GRIK1: variants seen among roughly 807,000 people sequenced by gnomAD.
GRIK1 encodes glutamate receptor ionotropic, kainate 1.
GRIK1 carries 69 observed loss-of-function variants against 105.7 expected under a neutral mutation model. That is an observed-to-expected ratio of 0.65 (90% CI 0.54 to 0.80). The LOEUF (loss-of-function observed/expected upper bound fraction) is 0.80. Ranked by LOEUF, GRIK1 falls within the 30% of genes least tolerant of loss-of-function variation. The pLI, the probability that GRIK1 is intolerant of heterozygous loss-of-function variation, is 0.00. For synonymous variants in GRIK1, 438 were observed against 431.3 expected, an observed-to-expected ratio of 1.02 and a Z score of -0.19; for missense variants, 1,109 against 1,167.3, an observed-to-expected ratio of 0.95 and a Z score of 0.73.
chr21:29,777,127 C>A (rs774796344), intron 1 of GRIK1, among the ~76,000 whole-genome samples: 136 of 152,208 alleles, frequency 8.9e-4, no homozygotes, highest in Admixed American at 9.2e-4. Context: ...CCAAGTAACT[C>A]AAAATCTCTG....
chr21:29,839,788 C>T (rs1005643717), intron 1 of GRIK1, among the ~76,000 whole-genome samples: 4 of 152,024 alleles, frequency 2.6e-5, no homozygotes, highest in Non-Finnish European at 5.9e-5. Flanking sequence ...TAGAACTCAT[C>T]CTGATATCTT....
intron 1 of GRIK1, among the ~76,000 whole-genome samples, chr21:29,879,837 C>T (rs2069334578): frequency 6.8e-6 from 1 of 145,986 alleles, no homozygotes. Flanking sequence ...AACCTCTTCA[C>T]ACAGCCCCAG....
intron 2 of GRIK1, among the ~76,000 whole-genome samples, chr21:29,692,187 G>T (rs2063596671): frequency 6.6e-6 from 1 of 152,210 alleles, no homozygotes; most frequent in Non-Finnish European, 1.5e-5. Flanking sequence ...AGCTCTGGGG[G>T]TGTTTAACTG....
At chr21:29,585,671 C>T (rs749578247) in intron 12 of GRIK1, among the ~76,000 whole-genome samples, 2 of 152,144 alleles carry the variant, frequency 1.3e-5, no homozygotes, top group Non-Finnish European at 2.9e-5. Flanking sequence ...TGTGGGCCTC[C>T]GGGCAGAGGT....
intron 14 of GRIK1, among the ~76,000 whole-genome samples, chr21:29,571,621 A>G (rs2090752911): frequency 6.6e-6 from 1 of 152,180 alleles, no homozygotes; most frequent in Admixed American, 6.5e-5. Flanking sequence ...TTCACTAAGC[A>G]CATCCCTTGC....
At chr21:29,939,324 C>A (rs1387676014) in intron 1 of GRIK1, 59 bp downstream of exon 1, 3 of 1,033,468 alleles carry the variant, frequency 2.9e-6, no homozygotes, top group African/African-American at 3.2e-5. Flanking sequence ...ACCCGCTACA[C>A]CCGCGTTGGT....
chr21:29,563,320 A>G (rs113129901), intron 14 of GRIK1, among the ~76,000 whole-genome samples: 4,379 of 152,276 alleles, frequency 0.029, 87 homozygotes, highest in African/African-American at 0.037. Context: ...GACCTGGGTT[A>G]ATACTGTAGG....
intron 16 of GRIK1, among the ~76,000 whole-genome samples, chr21:29,542,032 A>AGTGTGT (rs66476053): frequency 6.9e-4 from 104 of 150,588 alleles, no homozygotes; most frequent in African/African-American, 2.4e-3. Context: ...AATAATGTAG[A>AGTGTGT]GTGTGTGTGT....
At chr21:29,615,011 G>A (rs114756231) in intron 7 of GRIK1, among the ~76,000 whole-genome samples, 1,527 of 151,572 alleles carry the variant, frequency 0.01, 83 homozygotes, top group African/African-American at 0.035. Flanking sequence ...AGGACGGTTC[G>A]CAGAACTAGT....
rs188290422 is a variant in GRIK1 at position 29,710,426 on chromosome 21, G to A, written c.119-16363C>T. ...GTTTTCTATCCTGTCCTGGAAAAGT[G>A]TAGAAATTCCATTCAGCTTAAAAAA... is the stretch of plus-strand genomic sequence containing the variant. On this transcript the variant is annotated intron_variant, in intron 1 of 17. Transcript: ENST00000327783. Among the ~76,000 whole-genome samples the A allele has an allele frequency of 7.2e-3, 1,102 of 152,156 alleles. 16 individuals carry two copies. The highest frequency in any genetic ancestry group is 0.025 in the African/African-American group (1,057 of 41,544).
chr21:29,892,560 T>C (rs1601960095), intron 1 of GRIK1, among the ~76,000 whole-genome samples: 1 of 152,332 alleles, frequency 6.6e-6, no homozygotes, highest in East Asian at 1.9e-4. Flanking sequence ...CCAGGGCAGC[T>C]GGCTGCCTGG....
chr21:29,751,685 C>T (rs2065205990), intron 1 of GRIK1, among the ~76,000 whole-genome samples: 1 of 152,174 alleles, frequency 6.6e-6, no homozygotes, highest in Non-Finnish European at 1.5e-5. Context: ...CCCAGTCAAT[C>T]TGTTACACTC....
chr21:29,673,882 G>A (rs1469860133), intron 3 of GRIK1, among the ~76,000 whole-genome samples: 1 of 152,164 alleles, frequency 6.6e-6, no homozygotes, highest in African/African-American at 2.4e-5. Flanking sequence ...GATGGAGAAT[G>A]TTTGATTTAC....
At chr21:29,847,920 C>T (rs1426968705) in intron 1 of GRIK1, among the ~76,000 whole-genome samples, 1 of 152,022 alleles carries the variant, frequency 6.6e-6, no homozygotes. Flanking sequence ...CTCTCCCTCT[C>T]TCTCTCTCTC....
intron 1 of GRIK1, among the ~76,000 whole-genome samples, chr21:29,838,923 C>A (rs75477664): frequency 6.6e-6 from 1 of 152,020 alleles, no homozygotes; most frequent in African/African-American, 2.4e-5. Flanking sequence ...ATCTGACATA[C>A]CTTTTCACTA....
chr21:29,847,777 G>A (rs1482963757), intron 1 of GRIK1, among the ~76,000 whole-genome samples: 5 of 151,972 alleles, frequency 3.3e-5, no homozygotes, highest in Admixed American at 1.3e-4. Flanking sequence ...TTTTCCATTG[G>A]TTGCATCGGG....
intron 7 of GRIK1, among the ~76,000 whole-genome samples, chr21:29,639,475 C>T (rs1029805570): frequency 2.4e-4 from 36 of 152,120 alleles, no homozygotes; most frequent in African/African-American, 5.3e-4. Context: ...CAGAGGAGCA[C>T]GGCATTGCAA....
chr21:29,714,250 G>T (rs1456212978), intron 1 of GRIK1, among the ~76,000 whole-genome samples: 2 of 151,616 alleles, frequency 1.3e-5, no homozygotes, highest in Non-Finnish European at 2.9e-5. Context: ...GATTGTCTTT[G>T]GTATATCTAA....
intron 1 of GRIK1, among the ~76,000 whole-genome samples, chr21:29,700,941 C>T (rs1304741121): frequency 6.6e-6 from 1 of 152,096 alleles, no homozygotes; most frequent in Non-Finnish European, 1.5e-5. Context: ...TATCTTATTC[C>T]TCTCAAAGGA....
Sources: allele counts gnomAD v4.1 joint callset (sites outside exome capture counted in the v4.1 genomes callset), GRCh38; gene constraint gnomAD v4.1.1; transcripts MANE v1.5; gene names NCBI Gene and HGNC (gene_info 2026-07-23, HGNC 2026-07-21).